The following TC2N variants were observed in gnomAD, a reference collection of about 807,000 sequenced individuals.
TC2N encodes the protein tandem C2 domains, nuclear, also known as tandem C2 domains nuclear protein.
A neutral mutation model predicts 61.9 loss-of-function variants in TC2N; 51 were observed. The observed-to-expected ratio is 0.82, with a 90% CI of 0.66 to 1.04. TC2N has a LOEUF of 1.04. Among genes scored for constraint, TC2N ranks in the 50% least tolerant of loss-of-function variants. The pLI, the probability that TC2N is intolerant of heterozygous loss-of-function variation, is 0.00. For missense variants in TC2N, 556 were observed against 566.7 expected, an observed-to-expected ratio of 0.98 and a Z score of 0.19; for synonymous variants, 204 against 192.6, an observed-to-expected ratio of 1.06 and a Z score of -0.49.
chr14:91,825,783 A>C (rs1370790618), intron 1 of TC2N, among the ~76,000 whole-genome samples: 1 of 152,226 alleles, frequency 6.6e-6, no homozygotes, highest in East Asian at 1.9e-4. Context: ...TATTAATAAC[A>C]AAGCCCTATT....
intron 3 of TC2N, among the ~76,000 whole-genome samples, chr14:91,810,381 T>A (rs1358989058): frequency 6.6e-6 from 1 of 151,390 alleles, no homozygotes; most frequent in East Asian, 1.9e-4. Context: ...AAGGGAGGGA[T>A]GAAAGAAGAG....
At chr14:91,813,179 T>C (rs929227133) in intron 2 of TC2N, among the ~76,000 whole-genome samples, 1 of 151,796 alleles carries the variant, frequency 6.6e-6, no homozygotes, top group African/African-American at 2.4e-5. Flanking sequence ...AAGGGAGCCA[T>C]GCAATAGAAA....
chr14:91,829,261 ATTTCT>A, intron 1 of TC2N, among the ~76,000 whole-genome samples: 1 of 151,954 alleles, frequency 6.6e-6, no homozygotes, highest in South Asian at 2.1e-4. Context: ...GTTTTTGCCC[ATTTCT>A]TTTCTCTTTC....
intron 1 of TC2N, among the ~76,000 whole-genome samples, chr14:91,850,825 G>A (rs983175485): frequency 1.3e-5 from 2 of 152,154 alleles, no homozygotes; most frequent in Admixed American, 6.5e-5. Flanking sequence ...CAGCTACTCA[G>A]GAGTCTGAGA....
intron 8 of TC2N, among the ~76,000 whole-genome samples, chr14:91,795,329 G>A (rs983254324): frequency 6.6e-6 from 1 of 152,152 alleles, no homozygotes; most frequent in East Asian, 1.9e-4. Flanking sequence ...AATTTTGAAA[G>A]AAGTTCTACT....
intron 1 of TC2N, among the ~76,000 whole-genome samples, chr14:91,857,804 C>T (rs879492827): frequency 4.6e-5 from 7 of 152,122 alleles, no homozygotes; most frequent in African/African-American, 1.4e-4. Context: ...CCCACTTTTC[C>T]AAGTTTGGCA....
Position 91,799,023 on chromosome 14 carries a change from TGAA to T in TC2N, c.600_602del (p.Ser201del), listed in dbSNP as rs778997308. The T allele has an allele frequency of 3.8e-6, 6 of 1,599,654 alleles. No homozygotes were observed. The highest frequency in any genetic ancestry group is 2.3e-5 in the East Asian group (1 of 44,360). On this transcript the variant is annotated inframe_deletion, in exon 6 of 12. Coordinates refer to ENST00000435962, the MANE Select transcript of TC2N (RefSeq NM_001128596.3). ...TGTTACTCCCCTGAGAATTTTTCCT[TGAA>T]GAAGAACTACTGGGTACACTGGACA... is the stretch of plus-strand genomic sequence containing the variant.
At chr14:91,858,644 G>T (rs1349744682) in intron 1 of TC2N, among the ~76,000 whole-genome samples, 1 of 152,156 alleles carries the variant, frequency 6.6e-6, no homozygotes, top group Non-Finnish European at 1.5e-5. Context: ...CTTGGTTAAT[G>T]CACGTTTCAG....
chr14:91,841,705 T>C (rs946859164), intron 1 of TC2N, among the ~76,000 whole-genome samples: 1 of 152,192 alleles, frequency 6.6e-6, no homozygotes, highest in African/African-American at 2.4e-5. Flanking sequence ...CATGTGCGGC[T>C]TCCTAGAATC....
intron 1 of TC2N, among the ~76,000 whole-genome samples, chr14:91,848,443 G>A (rs1298274602): frequency 6.6e-6 from 1 of 152,094 alleles, no homozygotes. Flanking sequence ...CCCTTTTCTG[G>A]CATCTCCCAT....
intron 8 of TC2N, 37 bp from the exon 9 acceptor site, chr14:91,792,595 TA>T (rs1885716447): frequency 5.5e-6 from 6 of 1,083,740 alleles, no homozygotes; most frequent in Admixed American, 5.1e-5. Context: ...AATATATAAA[TA>T]AAAGGCTTAT....
intron 8 of TC2N, among the ~76,000 whole-genome samples, chr14:91,794,624 A>G (rs1885814073): frequency 1.3e-5 from 2 of 152,286 alleles, no homozygotes; most frequent in Admixed American, 6.5e-5. Context: ...GGTTTACTAA[A>G]TATTTTAAGT....
intron 9 of TC2N, among the ~76,000 whole-genome samples, chr14:91,790,668 A>G (rs1203560421): frequency 2.0e-5 from 3 of 152,170 alleles, no homozygotes; most frequent in African/African-American, 7.2e-5. Context: ...TTCTCTTCTT[A>G]TATACTCTGT....
At chr14:91,825,294 A>G (rs1231130843) in intron 1 of TC2N, among the ~76,000 whole-genome samples, 2 of 151,814 alleles carry the variant, frequency 1.3e-5, no homozygotes, top group African/African-American at 2.4e-5. Context: ...GGCCTCCCAA[A>G]GTGCTGGGAT....
At chr14:91,795,706 G>C (rs998411444) in intron 8 of TC2N, among the ~76,000 whole-genome samples, 3 of 152,082 alleles carry the variant, frequency 2.0e-5, no homozygotes, top group African/African-American at 4.8e-5. Context: ...CATGTGACCT[G>C]CTTTATTGCA....
chr14:91,841,867 A>T (rs1191009135), intron 1 of TC2N, among the ~76,000 whole-genome samples: 1 of 151,236 alleles, frequency 6.6e-6, no homozygotes, highest in Non-Finnish European at 1.5e-5. Context: ...TATCAGTAAG[A>T]CTCTAGTGGT....
intron 2 of TC2N, among the ~76,000 whole-genome samples, chr14:91,812,847 T>C (rs1338091406): frequency 6.6e-6 from 1 of 151,838 alleles, no homozygotes; most frequent in African/African-American, 2.4e-5. Context: ...GTCAGTTATA[T>C]AGTGCTTTCA....
At chr14:91,856,439 A>G (rs1888483784) in intron 1 of TC2N, among the ~76,000 whole-genome samples, 1 of 151,428 alleles carries the variant, frequency 6.6e-6, no homozygotes, top group Non-Finnish European at 1.5e-5. Flanking sequence ...GTGAGGTGAG[A>G]TCGTGCCATT....
rs761024100 is a variant in TC2N at position 91,798,388 on chromosome 14, G to A, written c.649C>T (p.Leu217=). 3 of 1,546,504 alleles carry A rather than the reference G, an allele frequency of 1.9e-6. No homozygotes were observed. The Admixed American group carries it at 5.6e-5, about 29-fold the overall frequency. The change falls in exon 7 of 12, where the codon CTA becomes TTA. Residue 217 remains leucine, a synonymous_variant. Transcript: ENST00000435962. ...GSNRSLDTIT[L]SGDERDFGRL... is the part of the protein sequence containing the mutation. ...CCAAAGTCCCTTTCATCTCCTGATA[G>A]AGTAATTGTATCTGAATTATAAAAG...
Sources: allele counts gnomAD v4.1 joint callset (sites outside exome capture counted in the v4.1 genomes callset), GRCh38; gene constraint gnomAD v4.1.1; transcripts MANE v1.5; gene names NCBI Gene and HGNC (gene_info 2026-07-23, HGNC 2026-07-21).